The following RYR1 variants were observed in gnomAD, a reference collection of about 807,000 sequenced individuals.
The protein encoded by RYR1 is central core disease of muscle.
In RYR1, 342 loss-of-function variants were observed where a neutral mutation model predicts 583.5. The observed-to-expected ratio is 0.59, with a 90% confidence interval of 0.54 to 0.64. The LOEUF is 0.64. RYR1 is among the 30% of genes least tolerant of loss of function. The probability of loss-of-function intolerance (pLI) is 0.00; values close to 1 mark genes in which losing one functional copy is unlikely to be tolerated. For missense variants in RYR1, 6,032 were observed against 6,917.2 expected (o/e 0.87, Z 4.54); for synonymous variants, 2,791 against 2,822.5 (o/e 0.99, Z 0.35).
In RYR1 at chr19:38,467,653, C is replaced by T; in HGVS notation, c.3222C>T (p.Phe1074=). The change falls in exon 25 of 106, where the codon TTC becomes TTT. Residue 1074 remains phenylalanine, a synonymous_variant. Coordinates refer to ENST00000359596, the MANE Select transcript of RYR1 (RefSeq NM_000540.3). ...CTCGTTGTGACCGGGTGCGCATCTT[C>T]CGGGCAGAGAAATCCTATACAGTGC... ...NQSRCDRVRI[F]RAEKSYTVQS... The T allele has an allele frequency of 1.2e-6, 2 of 1,614,234 alleles. No individual in the cohort carries two copies. The highest frequency in any genetic ancestry group is 1.7e-6 in the Non-Finnish European group (2 of 1,180,050).
chr19:38,485,355 C>T (rs1969226901), intron 33 of RYR1, among the ~76,000 whole-genome samples: 1 of 152,198 alleles, frequency 6.6e-6, no homozygotes, highest in Non-Finnish European at 1.5e-5. Flanking sequence ...ACTGGAACTC[C>T]CTGCTGCAGC....
In RYR1 at chr19:38,500,551, C is replaced by A; in HGVS notation, c.7324-55C>A. The A allele has an allele frequency of 6.2e-7, 1 of 1,610,530 alleles. No homozygotes were observed. Among genetic ancestry groups the A allele is most frequent in the Non-Finnish European group, 8.5e-7 (1 of 1,179,372 alleles). Reference sequence around the variant, plus strand: ...GGTAAGGGAGGGAGCAGAGCAGTCACTGAGTGGGGCACCAGCGCCTGATGA... The same window carrying A: ...GGTAAGGGAGGGAGCAGAGCAGTCAATGAGTGGGGCACCAGCGCCTGATGA... On this transcript the variant is annotated intron_variant, in intron 45 of 105. Transcript: ENST00000359596. This position sits in a 1 kb window ranked among gnomAD's most constrained non-coding sequence, Gnocchi z 5.9.
chr19:38,555,102 C>T (rs1972823775), intron 89 of RYR1, among the ~76,000 whole-genome samples: 1 of 152,042 alleles, frequency 6.6e-6, no homozygotes, highest in Non-Finnish European at 1.5e-5. Flanking sequence ...ACTGATCTTT[C>T]TGCCTCTATA....
Position 38,489,165 on chromosome 19 carries a change from T to C in RYR1, c.5548-12T>C. On this transcript the variant is annotated splice_polypyrimidine_tract_variant and intron_variant, in intron 34 of 105. Transcript: ENST00000359596. Reference sequence around the variant, plus strand: ...GCAGGCCACAGTGAAGAACCGAGACTTTGTCCTGTAGGTGATGGGCATCTT... The same window carrying C: ...GCAGGCCACAGTGAAGAACCGAGACCTTGTCCTGTAGGTGATGGGCATCTT... 6.2e-7 allele frequency: 1 copy of C among 1,614,038 alleles called. No individual in the cohort carries two copies.
At position 38,453,164 on chromosome 19, in the gene RYR1, A is replaced by G. The variant is rs531431093; in HGVS notation, c.1440+150A>G. 499 of 570,216 alleles carry G rather than the reference A, an allele frequency of 8.8e-4. 1 individual carries two copies. Among genetic ancestry groups the G allele is most frequent in the African/African-American group, 4.6e-3 (223 of 48,428 alleles). 35.3% of individuals were successfully genotyped at this position (570,216 alleles called of 1,614,324 possible). ...GGCGGGGCAGGAGAAGGAGCCGGAC[A>G]GGAACCCCAGCCAGTGAGAACACGA... is the stretch of plus-strand genomic sequence containing the variant. On this transcript the variant is annotated intron_variant, in intron 13 of 105. Transcript: ENST00000359596.
intron 49 of RYR1, among the ~76,000 whole-genome samples, chr19:38,503,173 C>T (rs1300417577): frequency 1.3e-5 from 2 of 152,170 alleles, no homozygotes; most frequent in African/African-American, 4.8e-5. Flanking sequence ...TCATTGATGC[C>T]TCTAGCGTTC....
intron 71 of RYR1, among the ~76,000 whole-genome samples, chr19:38,526,732 C>T (rs554640852): frequency 6.6e-6 from 1 of 152,216 alleles, no homozygotes; most frequent in South Asian, 2.1e-4. Flanking sequence ...ATCCTCTTGT[C>T]ACCCTTTGCC....
At chr19:38,570,998 C>T (rs937225315) in intron 94 of RYR1, among the ~76,000 whole-genome samples, 2 of 152,250 alleles carry the variant, frequency 1.3e-5, no homozygotes, top group Non-Finnish European at 2.9e-5. Flanking sequence ...TGCAGGCCCT[C>T]AGCTCTTGGC....
At chr19:38,487,071 T>A (rs1277514346) in intron 34 of RYR1, among the ~76,000 whole-genome samples, 1 of 152,120 alleles carries the variant, frequency 6.6e-6, no homozygotes, top group Non-Finnish European at 1.5e-5. Flanking sequence ...CTATCTTTCC[T>A]TCCGTAGGTC....
chr19:38,585,072 A>G lies in RYR1; in HGVS notation c.14776A>G (p.Ile4926Val), dbSNP rs746765251. The change falls in exon 102 of 106, where the codon ATC becomes GTC. Residue 4926 changes from isoleucine to valine, a missense_variant. Transcript: ENST00000359596. ...CGACATCACCTTCTTCTTCTTCGTC[A>G]TCGTCATCCTGTTGGCCATCATCCA... ...VFDITFFFFV[I>V]VILLAIIQGL... is the part of the protein sequence containing the mutation. 6.2e-7 allele frequency: 1 copy of G among 1,613,860 alleles called. No homozygotes were observed. The highest frequency in any genetic ancestry group is 8.5e-7 in the Non-Finnish European group (1 of 1,179,940).
Position 38,452,871 on chromosome 19 carries a change from A to T in RYR1, c.1297A>T (p.Thr433Ser). ...KPRGSGPPAG[T>S]ALPIEGVILS... ...ACGGGGCTCGGGGCCACCCGCTGGC[A>T]CGGCGCTGCCCATCGAGGGCGTTAT... The change falls in exon 13 of 106, where the codon ACG becomes TCG. Residue 433 changes from threonine to serine, a missense_variant. Coordinates refer to ENST00000359596, the MANE Select transcript of RYR1 (RefSeq NM_000540.3). The T allele has an allele frequency of 1.2e-6, 2 of 1,610,256 alleles. No homozygotes were observed. Among genetic ancestry groups the T allele is most frequent in the Middle Eastern group, 1.7e-4 (1 of 6,038 alleles).
intron 101 of RYR1, among the ~76,000 whole-genome samples, chr19:38,584,107 A>G (rs1247092038): frequency 6.6e-6 from 1 of 151,732 alleles, no homozygotes; most frequent in Non-Finnish European, 1.5e-5. Context: ...AGGAAGCCTC[A>G]CCTGATCACC....
chr19:38,513,679 T>A (rs1970824384), intron 63 of RYR1, among the ~76,000 whole-genome samples: 1 of 151,138 alleles, frequency 6.6e-6, no homozygotes, highest in Non-Finnish European at 1.5e-5. Context: ...GAGGTTGCAG[T>A]GAGCTGAGAT....
intron 78 of RYR1, 62 bp downstream of exon 78, chr19:38,532,798 C>T (rs1971800982): frequency 2.6e-6 from 4 of 1,526,736 alleles, no homozygotes; most frequent in African/African-American, 1.4e-5. Flanking sequence ...AGTCATCTCC[C>T]ATTCATTCAG....
rs1272490685 is a variant in RYR1 at position 38,467,714 on chromosome 19, A to G, written c.3283A>G (p.Thr1095Ala). The change falls in exon 25 of 106, where the codon ACC becomes GCC. Residue 1095 changes from threonine (T) to alanine (A), a missense_variant. This residue lies in a region of RYR1 where 2,627 missense variants were observed against 2,961.3 expected (regional missense o/e 0.89). Transcript: ENST00000359596. ...GRWYFEFEAV[T>A]TGEMRVGWAR... ...CTGGTACTTCGAGTTTGAAGCAGTC[A>G]CCACAGGCGAGATGCGCGTGGGCTG... The G allele has an allele frequency of 1.2e-6, 2 of 1,614,220 alleles. No individual in the cohort carries two copies. Among genetic ancestry groups the G allele is most frequent in the Non-Finnish European group, 1.7e-6 (2 of 1,180,038 alleles).
intron 3 of RYR1, among the ~76,000 whole-genome samples, chr19:38,442,764 G>A (rs1972755545): frequency 6.6e-6 from 1 of 152,158 alleles, no homozygotes; most frequent in Non-Finnish European, 1.5e-5. Flanking sequence ...GCCCAGAACA[G>A]GCCAGGCAGG....
At chr19:38,527,925 C>A (rs960267317) in intron 73 of RYR1, 141 bp downstream of exon 73, 8 of 943,774 alleles carry the variant, frequency 8.5e-6, no homozygotes, top group African/African-American at 1.8e-5. Flanking sequence ...GAGTTTAAGG[C>A]GAGGCTTAGA....
At chr19:38,489,989 G>A in intron 35 of RYR1, 87 bp from the exon 36 acceptor site, 1 of 1,390,160 alleles carries the variant, frequency 7.2e-7, no homozygotes, top group Non-Finnish European at 1.0e-6. Context: ...CAGGGCCATG[G>A]AGAGGGGAGA....
intron 101 of RYR1, among the ~76,000 whole-genome samples, chr19:38,581,473 C>A (rs1974206057): frequency 6.6e-6 from 1 of 152,172 alleles, no homozygotes; most frequent in Non-Finnish European, 1.5e-5. Context: ...CCTCGGCCTC[C>A]CAAAGTGCTG....
Sources: allele counts gnomAD v4.1 joint callset (sites outside exome capture counted in the v4.1 genomes callset), GRCh38; gene constraint gnomAD v4.1.1; regional missense constraint gnomAD v4.1.1; non-coding constraint Gnocchi (gnomAD v3.1); transcripts MANE v1.5; gene names NCBI Gene and HGNC (gene_info 2026-07-23, HGNC 2026-07-21).